The following PACRG variants were observed in gnomAD, a reference collection of about 807,000 sequenced individuals.
The protein encoded by PACRG is parkin coregulated.
Under a neutral mutation model 29.7 loss-of-function variants are expected in PACRG, and 29 were observed. That is an observed-to-expected ratio of 0.98 (90% CI 0.73 to 1.33). The LOEUF is 1.33. Ranked by LOEUF, PACRG falls within the 40% of genes most tolerant of loss-of-function variation. PACRG has a pLI of 0.00. For missense variants in PACRG, 279 were observed against 316.2 expected, an observed-to-expected ratio of 0.88 and a Z score of 0.89; for synonymous variants, 116 against 118.7, an observed-to-expected ratio of 0.98 and a Z score of 0.15.
At chr6:162,973,392 C>T (rs1188020049) in intron 2 of PACRG, among the ~76,000 whole-genome samples, 18 of 152,212 alleles carry the variant, frequency 1.2e-4, no homozygotes, top group Non-Finnish European at 7.3e-5. Flanking sequence ...GGCCTGGCTC[C>T]ATTTCATGCA....
intron 2 of PACRG, chr6:163,044,851 T>C (rs1809163559): frequency 6.6e-6 from 1 of 152,204 alleles, no homozygotes; most frequent in Non-Finnish European, 1.5e-5. Context: ...CCATTAAGGT[T>C]TTTATTTCAT....
At chr6:162,894,277 C>T (rs994285064) in intron 2 of PACRG, among the ~76,000 whole-genome samples, 14 of 152,162 alleles carry the variant, frequency 9.2e-5, no homozygotes, top group Non-Finnish European at 1.6e-4. Flanking sequence ...CTTGATTATA[C>T]GACTTGATTC....
intron 2 of PACRG, among the ~76,000 whole-genome samples, chr6:162,844,945 A>G (rs1790225254): frequency 6.6e-6 from 1 of 152,158 alleles, no homozygotes; most frequent in Non-Finnish European, 1.5e-5. Context: ...ATCCTTGTGT[A>G]AGTAGTTTTG....
chr6:163,307,488 G>A (rs1267914690), intron 4 of PACRG, among the ~76,000 whole-genome samples: 1 of 152,214 alleles, frequency 6.6e-6, no homozygotes, highest in Non-Finnish European at 1.5e-5. Flanking sequence ...GTTATTGTAA[G>A]TTTTGGTTGA....
chr6:163,136,422 A>G (rs964125234), intron 4 of PACRG, among the ~76,000 whole-genome samples: 1 of 152,210 alleles, frequency 6.6e-6, no homozygotes, highest in Non-Finnish European at 1.5e-5. Flanking sequence ...TCTTGCTGGA[A>G]TTATTTTTTG....
chr6:163,072,618 C>A (rs1055065020), intron 3 of PACRG, among the ~76,000 whole-genome samples: 3 of 151,928 alleles, frequency 2.0e-5, no homozygotes, highest in African/African-American at 7.3e-5. Flanking sequence ...GGCAATCAGA[C>A]AAGAGAAAGA....
intron 4 of PACRG, among the ~76,000 whole-genome samples, chr6:163,169,502 G>A (rs1448662536): frequency 2.0e-5 from 3 of 152,210 alleles, no homozygotes; most frequent in Admixed American, 6.5e-5. Flanking sequence ...CATGGAGCTG[G>A]ACGTGTGGTA....
intron 2 of PACRG, among the ~76,000 whole-genome samples, chr6:162,897,595 A>C (rs1339968738): frequency 1.3e-5 from 2 of 152,208 alleles, no homozygotes; most frequent in Non-Finnish European, 2.9e-5. Context: ...TTAAATGCAA[A>C]GGATGTGGTT....
intron 2 of PACRG, among the ~76,000 whole-genome samples, chr6:163,058,237 C>T (rs965053853): frequency 2.6e-5 from 4 of 152,128 alleles, no homozygotes; most frequent in Non-Finnish European, 5.9e-5. Context: ...CGTACATCCA[C>T]CTTGGAACTG....
At chr6:163,116,821 G>C (rs1816019849) in intron 4 of PACRG, among the ~76,000 whole-genome samples, 1 of 152,186 alleles carries the variant, frequency 6.6e-6, no homozygotes, top group Non-Finnish European at 1.5e-5. Context: ...AAATGACTGA[G>C]AAGCTTGGGT....
intron 3 of PACRG, among the ~76,000 whole-genome samples, chr6:163,078,380 G>A (rs1175414865): frequency 6.6e-6 from 1 of 152,006 alleles, no homozygotes; most frequent in Non-Finnish European, 1.5e-5. Context: ...GCGGGTGCCT[G>A]TAATCCCAGC....
Position 163,252,689 on chromosome 6 carries a change from G to GC in PACRG, c.614-62138_614-62137insC, listed in dbSNP as rs148877483. 6.5e-3 allele frequency among the ~76,000 whole-genome samples: 987 copies of GC among 152,326 alleles called. 10 individuals are homozygous for GC. The highest frequency in any genetic ancestry group is 0.023 in the African/African-American group (937 of 41,572). ...ATCTCCTAACGGACACCTCACCAGT[G>GC]TTTTCCTCACACATTCACAAAGACG... On this transcript the variant is annotated intron_variant, in intron 4 of 4. Coordinates refer to ENST00000366888, the MANE Select transcript of PACRG (RefSeq NM_001080379.2).
intron 2 of PACRG, among the ~76,000 whole-genome samples, chr6:162,975,141 G>A (rs564214034): frequency 2.0e-5 from 3 of 152,238 alleles, no homozygotes; most frequent in African/African-American, 7.2e-5. Context: ...TGCCTACCAA[G>A]GTATCCAGAC....
At chr6:162,781,855 G>T (rs1324497057) in intron 1 of PACRG, among the ~76,000 whole-genome samples, 1 of 150,564 alleles carries the variant, frequency 6.6e-6, no homozygotes, top group Non-Finnish European at 1.5e-5. Context: ...GAGAGAAAAG[G>T]AACAAAGAAC....
intron 2 of PACRG, among the ~76,000 whole-genome samples, chr6:162,844,247 G>A (rs552706196): frequency 1.5e-4 from 23 of 152,194 alleles, no homozygotes; most frequent in African/African-American, 4.1e-4. Flanking sequence ...AGCAACCAGC[G>A]AGACTCCGTG....
At chr6:162,920,583 T>C (rs1796998544) in intron 2 of PACRG, among the ~76,000 whole-genome samples, 1 of 152,220 alleles carries the variant, frequency 6.6e-6, no homozygotes. Context: ...TGGATTTTTA[T>C]TAATCCATCT....
At chr6:163,281,599 C>T (rs1484941531) in intron 4 of PACRG, among the ~76,000 whole-genome samples, 1 of 151,748 alleles carries the variant, frequency 6.6e-6, no homozygotes, top group Non-Finnish European at 1.5e-5. Flanking sequence ...CATTTAATTT[C>T]AGAAGTAGAA....
chr6:162,779,331 T>G (rs899497315), intron 1 of PACRG, among the ~76,000 whole-genome samples: 4 of 152,244 alleles, frequency 2.6e-5, no homozygotes, highest in African/African-American at 9.6e-5. Context: ...CAACACTATA[T>G]TTTAAAAGAA....
At position 162,814,095 on chromosome 6, in the gene PACRG, T is replaced by G. The variant is rs1443623220; in HGVS notation, c.157-52T>G. The G allele has an allele frequency of 2.0e-6, 3 of 1,507,856 alleles. No individual in the cohort carries two copies. The Admixed American group carries it at 6.7e-5, about 34-fold the overall frequency. 93.4% of individuals were successfully genotyped at this position (1,507,856 alleles called of 1,614,324 possible). A position where few individuals can be genotyped will look rare whatever the true frequency, so the allele number is the denominator to read the frequency against. On this transcript the variant is annotated intron_variant, in intron 1 of 4. Transcript: ENST00000366888. ...AAACAGAAAGTTCTTTTATTATGAA[T>G]TTTTTTAGTATGTCTTAAAACCTGA...
Sources: gnomAD v4.1 joint callset for allele counts (sites outside exome capture counted in the v4.1 genomes callset) on GRCh38, gnomAD v4.1.1 for gene constraint, MANE v1.5 for transcripts, NCBI Gene and HGNC (gene_info 2026-07-23, HGNC 2026-07-21) for gene names.